RPN2: variants seen among roughly 807,000 people sequenced by gnomAD.
RPN2 encodes ribophorin II.
RPN2 carries 29 observed loss-of-function variants against 71.4 expected under a neutral mutation model. The observed-to-expected ratio is 0.41, with a 90% CI of 0.30 to 0.55. The LOEUF (loss-of-function observed/expected upper bound fraction) is 0.55, where lower values mean the gene tolerates loss of function less well. Ranked by LOEUF, RPN2 falls within the 20% of genes least tolerant of loss-of-function variation. The pLI, the probability that RPN2 is intolerant of heterozygous loss-of-function variation, is 0.35. For synonymous variants in RPN2, 308 were observed against 305.0 expected (o/e 1.01, Z -0.10); for missense variants, 726 against 774.1 (o/e 0.94, Z 0.74).
At chr20:37,224,594 CAT>C (rs2068035504) in intron 10 of RPN2, among the ~76,000 whole-genome samples, 1 of 152,156 alleles carries the variant, frequency 6.6e-6, no homozygotes. Context: ...TTTTTTGAAA[CAT>C]AATCTTCTAA....
intron 2 of RPN2, among the ~76,000 whole-genome samples, chr20:37,187,786 G>A (rs1350050504): frequency 3.3e-5 from 5 of 151,704 alleles, no homozygotes; most frequent in Admixed American, 6.6e-5. Context: ...GATTACAGAC[G>A]CGCACCACCA....
At chr20:37,223,389 C>T (rs141376629) in intron 9 of RPN2, among the ~76,000 whole-genome samples, 40 of 152,306 alleles carry the variant, frequency 2.6e-4, no homozygotes, top group African/African-American at 9.6e-4. Flanking sequence ...AGCAAAGCAG[C>T]TTCATCTCTC....
chr20:37,209,606 A>G (rs1165131014), intron 7 of RPN2, among the ~76,000 whole-genome samples: 1 of 152,112 alleles, frequency 6.6e-6, no homozygotes, highest in Non-Finnish European at 1.5e-5. Context: ...TGGGACTACA[A>G]GCACATGCCA....
At position 37,184,505 on chromosome 20, in the gene RPN2, A is replaced by G. The variant is rs1342721141; in HGVS notation, c.207+132A>G. 7 of 891,660 alleles carry G rather than the reference A, an allele frequency of 7.9e-6. No homozygotes were observed. The East Asian group carries it at 1.3e-4, about 17-fold the overall frequency. 55.2% of individuals were successfully genotyped at this position (891,660 alleles called of 1,614,324 possible). On this transcript the variant is annotated intron_variant, in intron 2 of 16. Coordinates refer to ENST00000237530, the MANE Select transcript of RPN2 (RefSeq NM_002951.5). Reference sequence around the variant, plus strand: ...AACCAAGGTTAATCCAATATAAGAAATATTTGGCCAGGCGTGGTGACTCAC... The same window carrying G: ...AACCAAGGTTAATCCAATATAAGAAGTATTTGGCCAGGCGTGGTGACTCAC...
At chr20:37,216,605 G>T (rs2067811775) in intron 9 of RPN2, among the ~76,000 whole-genome samples, 1 of 151,946 alleles carries the variant, frequency 6.6e-6, no homozygotes, top group Non-Finnish European at 1.5e-5. Flanking sequence ...GGGACTACAG[G>T]TGCATGCCAC....
At chr20:37,222,226 C>T (rs1378462928) in intron 9 of RPN2, among the ~76,000 whole-genome samples, 1 of 152,180 alleles carries the variant, frequency 6.6e-6, no homozygotes, top group Non-Finnish European at 1.5e-5. Flanking sequence ...GGTGTCTATT[C>T]AACCTGATGG....
chr20:37,202,204 C>T (rs952295738), intron 4 of RPN2, among the ~76,000 whole-genome samples: 12 of 152,172 alleles, frequency 7.9e-5, no homozygotes, highest in South Asian at 2.1e-4. Flanking sequence ...CTGAGCACAG[C>T]GTTTATCACG....
rs776695197 is a variant in RPN2, at chr20:37,209,648, C to CT, written c.868-386dup. Among the ~76,000 whole-genome samples, 1,035 of 145,390 alleles carry CT rather than the reference C, an allele frequency of 7.1e-3. 10 individuals carry two copies. The highest frequency in any genetic ancestry group is 0.021 in the African/African-American group (821 of 39,830). Reference sequence around the variant, plus strand: ...CCAGCTAATTTTTTAATTTAAAAAACTTTTTTTTTTTTTGGTAGAAACGAG... The same window carrying CT: ...CCAGCTAATTTTTTAATTTAAAAAACTTTTTTTTTTTTTTGGTAGAAACGAG... On this transcript the variant is annotated intron_variant, in intron 7 of 16. Transcript: ENST00000237530.
intron 2 of RPN2, among the ~76,000 whole-genome samples, chr20:37,185,182 CA>C (rs1180232538): frequency 1.3e-5 from 2 of 150,676 alleles, no homozygotes; most frequent in Non-Finnish European, 2.9e-5. Context: ...CTGGCTCACC[CA>C]GGCTAGAGTG....
At chr20:37,184,691 C>G (rs2066967193) in intron 2 of RPN2, among the ~76,000 whole-genome samples, 1 of 152,124 alleles carries the variant, frequency 6.6e-6, no homozygotes, top group South Asian at 2.1e-4. Flanking sequence ...ACTCAGGAGG[C>G]TGAGGCAGGA....
At chr20:37,207,208 C>T (rs1600785428) in intron 6 of RPN2, 65 bp from the exon 7 acceptor site, 4 of 1,323,488 alleles carry the variant, frequency 3.0e-6, no homozygotes, top group East Asian at 4.6e-5. Flanking sequence ...CTTTCCTCTA[C>T]AGCAGTGGCC....
In RPN2 at chr20:37,179,361, C is replaced by A; in HGVS notation, c.5C>A (p.Ala2Glu). 1 of 398,050 alleles carries A rather than the reference C, an allele frequency of 2.5e-6. No individual in the cohort carries two copies. Among genetic ancestry groups the A allele is most frequent in the Non-Finnish European group, 3.5e-6 (1 of 282,390 alleles). 24.7% of individuals were successfully genotyped at this position (398,050 alleles called of 1,614,324 possible). A position where few individuals can be genotyped will look rare whatever the true frequency, so the allele number is the denominator to read the frequency against. M[A>E]PPGSSTVFLL... ...CGGCGGGACCTGCTCGGAGGAATGGCGCCGCCGGGTGAGGAGTTGCGCGTG... is the reference window on the plus strand; with the variant it reads ...CGGCGGGACCTGCTCGGAGGAATGGAGCCGCCGGGTGAGGAGTTGCGCGTG... The change falls in exon 1 of 17, where the codon GCG becomes GAG. Residue 2 changes from alanine to glutamate, a missense_variant. Coordinates refer to ENST00000237530, the MANE Select transcript of RPN2 (RefSeq NM_002951.5).
At chr20:37,199,633 C>T (rs2067335592) in intron 4 of RPN2, among the ~76,000 whole-genome samples, 1 of 152,082 alleles carries the variant, frequency 6.6e-6, no homozygotes, top group Non-Finnish European at 1.5e-5. Flanking sequence ...TGGGGGCTCT[C>T]AGGATCCCTG....
chr20:37,239,827 A>G (rs920570384), intron 16 of RPN2, among the ~76,000 whole-genome samples: 23 of 152,014 alleles, frequency 1.5e-4, no homozygotes, highest in African/African-American at 5.6e-4. Flanking sequence ...ATCCTACATT[A>G]TAGTCACTCT....
Position 37,241,503 on chromosome 20 carries a change from T to C in RPN2, c.*188T>C. The C allele has an allele frequency of 3.0e-6, 2 of 674,160 alleles. No individual in the cohort carries two copies. Among genetic ancestry groups the C allele is most frequent in the Non-Finnish European group, 5.2e-6 (2 of 383,338 alleles). 41.8% of individuals were successfully genotyped at this position (674,160 alleles called of 1,614,324 possible). Reference sequence around the variant, plus strand: ...ACAGCAGATACCTGGTGAGCTCAGATAGTCTCTTTCTCTGACACTGTGTAA... The same window carrying C: ...ACAGCAGATACCTGGTGAGCTCAGACAGTCTCTTTCTCTGACACTGTGTAA... On this transcript the variant is annotated 3_prime_UTR_variant, in exon 17 of 17. Coordinates refer to ENST00000237530, the MANE Select transcript of RPN2 (RefSeq NM_002951.5).
chr20:37,184,149 A>G (rs1213297823), intron 1 of RPN2, 31 bp from the exon 2 acceptor site: 4 of 1,612,926 alleles, frequency 2.5e-6, no homozygotes, highest in Non-Finnish European at 1.7e-6. Flanking sequence ...GGAAGAGTGT[A>G]GAGTGTACTG....
intron 9 of RPN2, among the ~76,000 whole-genome samples, chr20:37,221,281 T>C (rs927422455): frequency 1.5e-4 from 23 of 151,376 alleles, no homozygotes; most frequent in African/African-American, 5.6e-4. Context: ...CTGCAACCTC[T>C]GCCTCCTGGG....
chr20:37,188,618 G>GT (rs2067068225), intron 2 of RPN2, among the ~76,000 whole-genome samples: 1 of 71,548 alleles, frequency 1.4e-5, no homozygotes, highest in Non-Finnish European at 2.7e-5. Context: ...CCCAATTGGT[G>GT]TCTTTTTTTT....
chr20:37,193,423 G>C (rs1343159779), intron 2 of RPN2, among the ~76,000 whole-genome samples: 1 of 152,154 alleles, frequency 6.6e-6, no homozygotes, highest in African/African-American at 2.4e-5. Flanking sequence ...GAAAGGAGGA[G>C]GTGTGTGGAA....
Sources: allele counts gnomAD v4.1 joint callset (sites outside exome capture counted in the v4.1 genomes callset), GRCh38; gene constraint gnomAD v4.1.1; transcripts MANE v1.5; gene names NCBI Gene and HGNC (gene_info 2026-07-23, HGNC 2026-07-21).